Variants in PRDM1 observed in about 807,000 individuals in gnomAD.
PRDM1 encodes the protein PR domain zinc finger protein 1.
PRDM1 carries 13 observed loss-of-function variants against 62.8 expected under a neutral mutation model. That is an observed-to-expected ratio of 0.21 (90% CI 0.13 to 0.33). The LOEUF is 0.33. Ranked by LOEUF, PRDM1 falls within the 10% of genes least tolerant of loss-of-function variation. The probability of loss-of-function intolerance (pLI) is 1.00; values close to 1 mark genes in which losing one functional copy is unlikely to be tolerated. For missense variants in PRDM1, 895 were observed against 1,058.8 expected, an observed-to-expected ratio of 0.85 and a Z score of 2.15; for synonymous variants, 396 against 417.6, an observed-to-expected ratio of 0.95 and a Z score of 0.63.
intron 2 of PRDM1, 80 bp downstream of exon 2, chr6:106,088,529 T>C (rs1403841234): frequency 5.4e-6 from 8 of 1,472,120 alleles, no homozygotes; most frequent in Admixed American, 3.7e-5. Flanking sequence ...CTTGTATATC[T>C]CTGAAAACCT....
chr6:106,077,897 G>T (rs1367592327), intron 1 of PRDM1, among the ~76,000 whole-genome samples: 1 of 152,238 alleles, frequency 6.6e-6, no homozygotes, highest in African/African-American at 2.4e-5. Context: ...GGTGTCCCTT[G>T]TCTGAGGAGG....
intron 1 of PRDM1, among the ~76,000 whole-genome samples, chr6:106,022,976 G>A (rs1243431740): frequency 6.6e-6 from 1 of 152,214 alleles, no homozygotes; most frequent in East Asian, 1.9e-4. Flanking sequence ...TCAGGCTGCT[G>A]CGATTCTTTT....
At position 106,105,530 on chromosome 6, in the gene PRDM1, C is replaced by G; in HGVS notation, c.1370C>G (p.Pro457Arg). Reference protein sequence around the residue: ...YSNLLGGGSLPHPMLNPTSLP... With the variant: ...YSNLLGGGSLRHPMLNPTSLP... The stretch of plus-strand genomic sequence containing the variant: ...AATCTCCTCGGTGGGGGCAGCCTGC[C>G]CCACCCCATGCTCAACCCCACTTCT... Residue 457 changes from proline to arginine, a missense_variant, in exon 5 of 7, where the codon CCC (proline) becomes CGC (arginine). By Grantham distance (103) the Pro-to-Arg change is moderately radical. Coordinates refer to ENST00000369096, the MANE Select transcript of PRDM1 (RefSeq NM_001198.4). 6.2e-7 allele frequency: 1 copy of G among 1,613,476 alleles called. No individual in the cohort carries two copies.
chr6:106,046,051 GTAT>G (rs1028885030), upstream of PRDM1: 4 of 151,756 alleles, frequency 2.6e-5, no homozygotes, highest in African/African-American at 4.8e-5. Flanking sequence ...AGAAATGAAA[GTAT>G]TAGTCCTGAT....
chr6:106,052,626 T>C (rs2114585087), intron 1 of PRDM1, among the ~76,000 whole-genome samples: 1 of 152,138 alleles, frequency 6.6e-6, no homozygotes, highest in East Asian at 1.9e-4. Flanking sequence ...GGATGGCAGA[T>C]TTACACCCGA....
chr6:106,088,470 CAAG>C (rs1198235075), intron 2 of PRDM1, 21 bp downstream of exon 2: 1 of 1,613,676 alleles, frequency 6.2e-7, no homozygotes, highest in East Asian at 2.2e-5. Context: ...GGTTTATTGA[CAAG>C]AAGATTGGGG....
chr6:106,090,251 G>T (rs937299670), intron 2 of PRDM1, among the ~76,000 whole-genome samples: 21 of 152,040 alleles, frequency 1.4e-4, no homozygotes, highest in African/African-American at 5.1e-4. Context: ...GCTATTTTGT[G>T]TTTTTTTCCC....
intron 1 of PRDM1, among the ~76,000 whole-genome samples, chr6:106,034,629 C>CTG (rs1444526512): frequency 1.8e-4 from 5 of 27,526 alleles, no homozygotes; most frequent in East Asian, 1.3e-3. Flanking sequence ...CTTTCATGTT[C>CTG]TCTCTCTTTT....
chr6:106,098,549 G>C (rs1774176224), intron 3 of PRDM1: 1 of 1,281,586 alleles, frequency 7.8e-7, no homozygotes, highest in Non-Finnish European at 1.0e-6. Flanking sequence ...TCCCAGATAA[G>C]GGGTTCCCTT....
At chr6:106,055,779 G>C (rs1409305657) in intron 1 of PRDM1, among the ~76,000 whole-genome samples, 1 of 152,196 alleles carries the variant, frequency 6.6e-6, no homozygotes, top group Non-Finnish European at 1.5e-5. Flanking sequence ...CATGGTTCTG[G>C]AGAGTCATGG....
In PRDM1 at chr6:106,106,981, C is replaced by G; in HGVS notation, c.1973C>G (p.Pro658Arg). ...CTGCGACTCCATTCTGGAGAGAAACCATACCAATGCAAGGTGTGCCCTGCC... is the reference window on the plus strand; with the variant it reads ...CTGCGACTCCATTCTGGAGAGAAACGATACCAATGCAAGGTGTGCCCTGCC... ...THLRLHSGEK[P>R]YQCKVCPAKF... Residue 658 changes from proline to arginine, a missense_variant, in exon 7 of 7, where the codon CCA (proline) becomes CGA (arginine). By Grantham distance (103) the Pro-to-Arg change is moderately radical. Around this residue, in one of 4 missense-constraint regions of PRDM1, gnomAD observed 74 missense variants for 172.4 expected, o/e 0.43. Coordinates refer to ENST00000369096, the MANE Select transcript of PRDM1 (RefSeq NM_001198.4). This position sits in a 1 kb window ranked among gnomAD's most constrained non-coding sequence, Gnocchi z 4.4. 1 of 1,614,182 alleles carries G rather than the reference C, an allele frequency of 6.2e-7. No homozygotes were observed. Among genetic ancestry groups the G allele is most frequent in the South Asian group, 1.1e-5 (1 of 91,084 alleles).
chr6:106,061,687 G>A (rs941513082), intron 1 of PRDM1, among the ~76,000 whole-genome samples: 4 of 152,152 alleles, frequency 2.6e-5, no homozygotes, highest in South Asian at 2.1e-4. Flanking sequence ...GTCTTAATAC[G>A]GAAATTGAAG....
chr6:106,088,182 C>A lies in PRDM1; in HGVS notation c.43-19C>A. On this transcript the variant is annotated intron_variant, in intron 1 of 6. Coordinates refer to ENST00000369096, the MANE Select transcript of PRDM1 (RefSeq NM_001198.4). ...ACGGCGGGACAATGGGGATTAAAGGCCTTTCCTTTCTCTTCCAGGCTGCCC... is the reference window on the plus strand; with the variant it reads ...ACGGCGGGACAATGGGGATTAAAGGACTTTCCTTTCTCTTCCAGGCTGCCC... 6.4e-7 allele frequency: 1 copy of A among 1,572,410 alleles called. No homozygotes were observed. Among genetic ancestry groups the A allele is most frequent in the Middle Eastern group, 1.9e-4 (1 of 5,302 alleles).
At chr6:106,048,216 C>CAAAAA (rs71006668), upstream of PRDM1, among the ~76,000 whole-genome samples, 2 of 110,232 alleles carry the variant, frequency 1.8e-5, no homozygotes, top group Admixed American at 9.8e-5. Context: ...CCATCTCTAC[C>CAAAAA]AAAAAAAAAA....
upstream of PRDM1, chr6:106,045,522 T>C (rs1166265682): frequency 1.3e-5 from 2 of 152,246 alleles, no homozygotes; most frequent in African/African-American, 4.8e-5. Flanking sequence ...AAGGCAAATA[T>C]ATGTGCCATG....
At chr6:106,102,972 C>T (rs1225314991) in intron 4 of PRDM1, among the ~76,000 whole-genome samples, 1 of 152,170 alleles carries the variant, frequency 6.6e-6, no homozygotes, top group Non-Finnish European at 1.5e-5. Context: ...TTGTCTTTCT[C>T]ATCCTTTACC....
chr6:106,014,058 A>AT (rs71006664), intron 1 of PRDM1, among the ~76,000 whole-genome samples: 47,998 of 105,156 alleles, frequency 0.46, 10,466 homozygotes, highest in East Asian at 0.7. Context: ...AGGACAAGGA[A>AT]TTTTTTTTTT....
intron 1 of PRDM1, among the ~76,000 whole-genome samples, chr6:106,005,915 A>G (rs1180343102): frequency 1.3e-5 from 2 of 152,242 alleles, no homozygotes; most frequent in African/African-American, 4.8e-5. Flanking sequence ...TTCAGTTTAT[A>G]ATCCTGTGGA....
chr6:106,085,278 A>C (rs189876066), upstream of PRDM1, among the ~76,000 whole-genome samples: 4 of 152,122 alleles, frequency 2.6e-5, no homozygotes, highest in Non-Finnish European at 5.9e-5. Context: ...AAATGATTTT[A>C]AAAAAACCTA....
Sources: gnomAD v4.1 joint callset for allele counts (sites outside exome capture counted in the v4.1 genomes callset) on GRCh38, gnomAD v4.1.1 for gene constraint, gnomAD v4.1.1 regional missense constraint, Gnocchi (gnomAD v3.1) non-coding constraint, MANE v1.5 for transcripts, NCBI Gene and HGNC (gene_info 2026-07-23, HGNC 2026-07-21) for gene names.